The following PRKG1 variants were observed in gnomAD, a reference collection of about 807,000 sequenced individuals.
The protein encoded by PRKG1 is protein kinase cGMP-dependent 1.
A neutral mutation model predicts 88.1 loss-of-function variants in PRKG1; 35 were observed. The ratio of observed to expected loss-of-function variants is 0.40; its 90% CI spans 0.30 to 0.53. PRKG1 has a LOEUF of 0.53. Ranked by LOEUF, PRKG1 falls within the 20% of genes least tolerant of loss-of-function variation. The probability of loss-of-function intolerance (pLI) is 0.59; values close to 1 mark genes in which losing one functional copy is unlikely to be tolerated. For missense variants in PRKG1, 540 were observed against 839.8 expected (o/e 0.64, Z 4.41); for synonymous variants, 303 against 292.5 (o/e 1.04, Z -0.37).
At chr10:51,091,626 G>C (rs976470315) in intron 1 of PRKG1, among the ~76,000 whole-genome samples, 3 of 152,078 alleles carry the variant, frequency 2.0e-5, no homozygotes, top group African/African-American at 7.2e-5. Context: ...CAATTGGCCT[G>C]GTTTTTGTTG....
At chr10:51,768,639 C>A (rs1838228940) in intron 3 of PRKG1, among the ~76,000 whole-genome samples, 2 of 151,882 alleles carry the variant, frequency 1.3e-5, no homozygotes, top group Non-Finnish European at 2.9e-5. Context: ...GATTTTTTTA[C>A]CCCCATATGT....
chr10:51,583,039 A>T (rs1160956292), intron 3 of PRKG1, among the ~76,000 whole-genome samples: 2 of 152,146 alleles, frequency 1.3e-5, no homozygotes, highest in Non-Finnish European at 2.9e-5. Flanking sequence ...GTTGATTTTG[A>T]CTTTACATAG....
At chr10:51,179,257 A>G (rs1000722105) in intron 2 of PRKG1, among the ~76,000 whole-genome samples, 3 of 152,222 alleles carry the variant, frequency 2.0e-5, no homozygotes, top group African/African-American at 2.4e-5. Flanking sequence ...TCCAGCATCT[A>G]TTTCAAGACT....
chr10:51,036,315 T>C (rs1400147497), intron 1 of PRKG1, among the ~76,000 whole-genome samples: 4 of 152,208 alleles, frequency 2.6e-5, no homozygotes, highest in South Asian at 2.1e-4. Flanking sequence ...CAATGTATAT[T>C]TGTTGAACAG....
intron 5 of PRKG1, among the ~76,000 whole-genome samples, chr10:51,961,199 G>T (rs1426751591): frequency 6.6e-6 from 1 of 152,032 alleles, no homozygotes; most frequent in Non-Finnish European, 1.5e-5. Flanking sequence ...GGGGAGGATT[G>T]GTTTCAGGAT....
chr10:51,873,253 A>C (rs1841205336), intron 4 of PRKG1, among the ~76,000 whole-genome samples: 1 of 152,100 alleles, frequency 6.6e-6, no homozygotes, highest in Non-Finnish European at 1.5e-5. Flanking sequence ...CATATAGTTT[A>C]AGAAAACTAT....
intron 2 of PRKG1, among the ~76,000 whole-genome samples, chr10:51,366,170 G>A (rs1460274679): frequency 1.8e-4 from 27 of 151,636 alleles, no homozygotes; most frequent in Admixed American, 1.7e-3. Flanking sequence ...TAATTTCTCT[G>A]GTATGATTCC....
chr10:51,840,858 TTTTAA>T (rs1564670021), intron 4 of PRKG1, among the ~76,000 whole-genome samples: 3 of 152,128 alleles, frequency 2.0e-5, no homozygotes, highest in Non-Finnish European at 4.4e-5. Context: ...GAACCCTCTA[TTTTAA>T]AGAGAAACAA....
intron 2 of PRKG1, among the ~76,000 whole-genome samples, chr10:51,286,371 A>G (rs1840441601): frequency 6.6e-6 from 1 of 152,164 alleles, no homozygotes; most frequent in African/African-American, 2.4e-5. Context: ...TTGACTTCCC[A>G]TCACAACATC....
chr10:51,109,929 C>G (rs181091678), intron 1 of PRKG1, among the ~76,000 whole-genome samples: 4 of 152,152 alleles, frequency 2.6e-5, no homozygotes, highest in African/African-American at 9.6e-5. Flanking sequence ...TTTAAACAGA[C>G]ATTTCACCAA....
chr10:52,197,645 G>A (rs1482985443), intron 9 of PRKG1, among the ~76,000 whole-genome samples: 1 of 152,128 alleles, frequency 6.6e-6, no homozygotes, highest in Non-Finnish European at 1.5e-5. Flanking sequence ...ATAGCAGCGT[G>A]GTCACACTGG....
At chr10:51,084,901 T>G (rs1844209793) in intron 1 of PRKG1, among the ~76,000 whole-genome samples, 1 of 152,196 alleles carries the variant, frequency 6.6e-6, no homozygotes, top group African/African-American at 2.4e-5. Context: ...TATGGTAATA[T>G]CAAGCTTTCA....
intron 2 of PRKG1, among the ~76,000 whole-genome samples, chr10:51,298,822 A>C (rs1212227667): frequency 1.3e-5 from 2 of 152,170 alleles, no homozygotes; most frequent in Non-Finnish European, 2.9e-5. Flanking sequence ...AGGATAGGGA[A>C]TTGGAAGGGA....
chr10:51,194,016 T>C (rs1837697054), intron 2 of PRKG1, among the ~76,000 whole-genome samples: 1 of 152,144 alleles, frequency 6.6e-6, no homozygotes, highest in Non-Finnish European at 1.5e-5. Context: ...GTTTTCTCCT[T>C]AGTAGTCTTA....
chr10:51,462,697 A>T (rs1671073235), intron 2 of PRKG1, among the ~76,000 whole-genome samples: 1 of 152,194 alleles, frequency 6.6e-6, no homozygotes, highest in Admixed American at 6.5e-5. Flanking sequence ...TCTTTCAATT[A>T]TTCATGACAA....
chr10:52,233,844 C>T (rs994654375), intron 9 of PRKG1, among the ~76,000 whole-genome samples: 1 of 152,122 alleles, frequency 6.6e-6, no homozygotes, highest in Non-Finnish European at 1.5e-5. Flanking sequence ...CCACTGTAGG[C>T]TCCACCTCTG....
chr10:51,545,043 T>C (rs1215792793), intron 3 of PRKG1, among the ~76,000 whole-genome samples: 1 of 152,232 alleles, frequency 6.6e-6, no homozygotes, highest in Non-Finnish European at 1.5e-5. Flanking sequence ...AGTGATACAG[T>C]ATTTATTTCT....
At position 51,138,687 on chromosome 10, in the gene PRKG1, T is replaced by G. The variant is rs1355983916; in HGVS notation, c.312-14477T>G. Among the ~76,000 whole-genome samples, 7 of 131,810 alleles carry G rather than the reference T, an allele frequency of 5.3e-5. No individual in the cohort carries two copies. In the East Asian group the frequency reaches 1.2e-3, roughly 22 times the overall value. 86.5% of individuals were successfully genotyped at this position (131,810 alleles called of 152,430 possible). The stretch of plus-strand genomic sequence containing the variant: ...GACATTGAGTTTTGTTTTTTTTTTT[T>G]TTTTTTTTTTTTTTGAGACAGAGTC... On this transcript the variant is annotated intron_variant, in intron 1 of 17. Transcript: ENST00000373980.
chr10:51,363,822 A>G (rs938868197), intron 2 of PRKG1, among the ~76,000 whole-genome samples: 5 of 151,966 alleles, frequency 3.3e-5, no homozygotes, highest in East Asian at 1.9e-4. Flanking sequence ...GACCACGTCA[A>G]CGTAAGGTTT....
Sources: allele counts gnomAD v4.1 joint callset (sites outside exome capture counted in the v4.1 genomes callset), GRCh38; gene constraint gnomAD v4.1.1; transcripts MANE v1.5; gene names NCBI Gene and HGNC (gene_info 2026-07-23, HGNC 2026-07-21).